The following RAPGEF5 variants were observed in gnomAD, a reference collection of about 807,000 sequenced individuals.
RAPGEF5 encodes the protein M-Ras-regulated GEF.
In RAPGEF5, 65 loss-of-function variants were observed where a neutral mutation model predicts 125.2. The ratio of observed to expected loss-of-function variants is 0.52; its 90% CI spans 0.43 to 0.64. The LOEUF is 0.64. Ranked by LOEUF, RAPGEF5 falls within the 30% of genes least tolerant of loss-of-function variation. The pLI is 0.00. For missense variants in RAPGEF5, 958 were observed against 1,048.1 expected (o/e 0.91, Z 1.19); for synonymous variants, 391 against 385.9 (o/e 1.01, Z -0.16).
chr7:22,244,743 AGGTCCCT>A (rs1329238796), intron 7 of RAPGEF5, among the ~76,000 whole-genome samples: 12 of 152,212 alleles, frequency 7.9e-5, no homozygotes, highest in Admixed American at 1.3e-4. Context: ...CCCATGAAAC[AGGTCCCT>A]GGTGCCAAAA....
At chr7:22,150,321 C>T (rs1322199062) in intron 18 of RAPGEF5, 86 bp downstream of exon 18, 14 of 1,350,042 alleles carry the variant, frequency 1.0e-5, no homozygotes, top group Non-Finnish European at 1.3e-5. Context: ...CATCTTCCTG[C>T]CTTGGCCTCC....
chr7:22,159,461 G>A (rs1375259717), intron 14 of RAPGEF5, among the ~76,000 whole-genome samples: 1 of 152,210 alleles, frequency 6.6e-6, no homozygotes, highest in Non-Finnish European at 1.5e-5. Context: ...TCTGAGAGGT[G>A]CAATTTGTGA....
chr7:22,185,542 G>A lies in RAPGEF5; in HGVS notation c.1204+7825C>T, dbSNP rs538216683. Among the ~76,000 whole-genome samples the A allele has an allele frequency of 1.7e-3, 260 of 152,292 alleles. 2 individuals are homozygous for A. Among genetic ancestry groups the A allele is most frequent in the African/African-American group, 5.9e-3 (244 of 41,550 alleles). Reference sequence around the variant, plus strand: ...ATATTCTCCATGCTAGTAATTAGGAGAGAAGCTCAAGGAACTACCAAAATC... The same window carrying A: ...ATATTCTCCATGCTAGTAATTAGGAAAGAAGCTCAAGGAACTACCAAAATC... On this transcript the variant is annotated intron_variant, in intron 11 of 25. Transcript: ENST00000665637.
Position 22,144,918 on chromosome 7 carries a change from T to G in RAPGEF5, c.2186+126A>C, listed in dbSNP as rs955609691. 6 of 1,075,368 alleles carry G rather than the reference T, an allele frequency of 5.6e-6. No individual in the cohort carries two copies. In the African/African-American group the frequency reaches 9.6e-5, roughly 17 times the overall value. 66.6% of individuals were successfully genotyped at this position (1,075,368 alleles called of 1,614,324 possible). A position where few individuals can be genotyped will look rare whatever the true frequency, so the allele number is the denominator to read the frequency against. On this transcript the variant is annotated intron_variant, in intron 20 of 25. Coordinates refer to ENST00000665637, the MANE Select transcript of RAPGEF5 (RefSeq NM_012294.5). The stretch of plus-strand genomic sequence containing the variant: ...TCAAAATTGGACATTTTCAGCCATT[T>G]AGTCATTTAACTCCATATTACACGT...
Position 22,193,942 on chromosome 7 carries a change from G to T in RAPGEF5, c.1088C>A (p.Thr363Lys). 1 of 1,613,918 alleles carries T rather than the reference G, an allele frequency of 6.2e-7. No individual in the cohort carries two copies. The highest frequency in any genetic ancestry group is 8.5e-7 in the Non-Finnish European group (1 of 1,179,870). ...KKVQCCGPAP[T>K]AGSAESHWRY... ...CCAATGGCTCTCCGCACTCCCAGCTGTGGGGGCTGGGCCACAGCACTGCAC... is the reference window on the plus strand; with the variant it reads ...CCAATGGCTCTCCGCACTCCCAGCTTTGGGGGCTGGGCCACAGCACTGCAC... Residue 363 changes from threonine to lysine, a missense_variant, in exon 10 of 26, where the codon ACA (threonine) becomes AAA (lysine). Transcript: ENST00000665637.
At chr7:22,352,311 A>C (rs1444955220) in intron 1 of RAPGEF5, among the ~76,000 whole-genome samples, 2 of 152,194 alleles carry the variant, frequency 1.3e-5, no homozygotes, top group African/African-American at 4.8e-5. Flanking sequence ...AGAAAGACTT[A>C]AAAAGATACA....
intron 7 of RAPGEF5, among the ~76,000 whole-genome samples, chr7:22,258,640 A>C (rs1377922801): frequency 1.3e-5 from 2 of 150,824 alleles, no homozygotes; most frequent in South Asian, 2.1e-4. Context: ...AAAAAAAAAA[A>C]AAAAAAAAAG....
At chr7:22,173,637 C>T (rs747567421) in intron 11 of RAPGEF5, among the ~76,000 whole-genome samples, 11 of 152,082 alleles carry the variant, frequency 7.2e-5, no homozygotes, top group Non-Finnish European at 1.5e-4. Flanking sequence ...CCTGTCATTC[C>T]GTCTTCAAGA....
intron 7 of RAPGEF5, among the ~76,000 whole-genome samples, chr7:22,259,312 A>G (rs1294392981): frequency 6.6e-6 from 1 of 152,252 alleles, no homozygotes; most frequent in African/African-American, 2.4e-5. Flanking sequence ...ACATCTATTA[A>G]AAGGGCCTAC....
At chr7:22,185,813 C>G (rs1784807613) in intron 11 of RAPGEF5, among the ~76,000 whole-genome samples, 1 of 152,036 alleles carries the variant, frequency 6.6e-6, no homozygotes, top group African/African-American at 2.4e-5. Context: ...AATTCAGTCT[C>G]TCACTGATTT....
intron 11 of RAPGEF5, among the ~76,000 whole-genome samples, chr7:22,168,173 C>T (rs1441264297): frequency 1.3e-5 from 2 of 152,106 alleles, no homozygotes; most frequent in African/African-American, 2.4e-5. Context: ...TGAAACCTTA[C>T]CCCTAGTATG....
At chr7:22,278,660 T>C (rs1351244330) in intron 6 of RAPGEF5, among the ~76,000 whole-genome samples, 1 of 151,408 alleles carries the variant, frequency 6.6e-6, no homozygotes, top group African/African-American at 2.4e-5. Flanking sequence ...ATGCCAATAA[T>C]GTTGATTTTA....
At chr7:22,277,236 C>T (rs185203414) in intron 6 of RAPGEF5, among the ~76,000 whole-genome samples, 18 of 152,250 alleles carry the variant, frequency 1.2e-4, no homozygotes, top group Admixed American at 8.5e-4. Flanking sequence ...CACTTTGAAA[C>T]GTCAGAGGTA....
rs576647947 is a variant in RAPGEF5 at position 22,218,937 on chromosome 7, AC to A, written c.996+928del. On this transcript the variant is annotated intron_variant, in intron 9 of 25. Transcript: ENST00000665637. Reference sequence around the variant, plus strand: ...GTTATTAAACTAAGCAGCCAGCCAGACTTGAGCATCTTACCTCCTCTCCTTC... The same window carrying A: ...GTTATTAAACTAAGCAGCCAGCCAGATTGAGCATCTTACCTCCTCTCCTTC... 1.8e-3 allele frequency among the ~76,000 whole-genome samples: 278 copies of A among 152,322 alleles called. 1 individual carries two copies. The highest frequency in any genetic ancestry group is 6.4e-3 in the African/African-American group (265 of 41,564).
intron 1 of RAPGEF5, among the ~76,000 whole-genome samples, chr7:22,349,875 G>A (rs1304421696): frequency 6.6e-6 from 1 of 152,158 alleles, no homozygotes; most frequent in Non-Finnish European, 1.5e-5. Flanking sequence ...TCTCTGGATT[G>A]TAATTTCCTC....
Position 22,228,286 on chromosome 7 carries a change from G to A in RAPGEF5, c.870+2560C>T, listed in dbSNP as rs540429188. On this transcript the variant is annotated intron_variant, in intron 8 of 25. Transcript: ENST00000665637. ...CTGCCCTGGTTTCAGACCTGGCCCC[G>A]TCCCTTACCGGCACATCTATAAAGT... 1.1e-4 allele frequency among the ~76,000 whole-genome samples: 16 copies of A among 152,276 alleles called. No homozygotes were observed. In the South Asian group the frequency reaches 1.2e-3, roughly 12 times the overall value.
At chr7:22,173,962 A>G (rs1030338495) in intron 11 of RAPGEF5, among the ~76,000 whole-genome samples, 13 of 152,136 alleles carry the variant, frequency 8.5e-5, no homozygotes, top group South Asian at 2.1e-4. Flanking sequence ...AATACTATGG[A>G]AACAGACAGC....
intron 7 of RAPGEF5, among the ~76,000 whole-genome samples, chr7:22,237,059 G>A (rs1385844413): frequency 2.0e-5 from 3 of 150,066 alleles, no homozygotes; most frequent in African/African-American, 7.4e-5. Context: ...CCTTGTCCCT[G>A]CCTTCACCAG....
At chr7:22,234,854 A>T (rs921793250) in intron 7 of RAPGEF5, among the ~76,000 whole-genome samples, 1 of 151,670 alleles carries the variant, frequency 6.6e-6, no homozygotes, top group African/African-American at 2.4e-5. Context: ...ACAAAAAACA[A>T]CTCTGTCAGT....
Sources: allele counts gnomAD v4.1 joint callset (sites outside exome capture counted in the v4.1 genomes callset), GRCh38; gene constraint gnomAD v4.1.1; transcripts MANE v1.5; gene names NCBI Gene and HGNC (gene_info 2026-07-23, HGNC 2026-07-21).